NPFFR1: variants seen among roughly 807,000 people sequenced by gnomAD.
NPFFR1 encodes G-protein coupled receptor 147.
A neutral mutation model predicts 12.7 loss-of-function variants in NPFFR1; 17 were observed. The observed-to-expected ratio is 1.34, with a 90% CI of 0.92 to 2.01. NPFFR1 has a LOEUF of 2.01. Among genes scored for constraint, NPFFR1 ranks in the 30% most tolerant of loss-of-function variants. The probability of loss-of-function intolerance (pLI) is 0.00; values close to 1 mark genes in which losing one functional copy is unlikely to be tolerated. For missense variants in NPFFR1, 604 were observed against 606.5 expected, an observed-to-expected ratio of 1.00 and a Z score of 0.04; for synonymous variants, 296 against 264.5, an observed-to-expected ratio of 1.12 and a Z score of -1.16.
At chr10:70,261,592 G>A (rs2136795684) in intron 2 of NPFFR1, among the ~76,000 whole-genome samples, 1 of 152,258 alleles carries the variant, frequency 6.6e-6, no homozygotes, top group Middle Eastern at 3.4e-3. Context: ...ATGAGCTTTA[G>A]ACCGTCCAGC....
intron 3 of NPFFR1, among the ~76,000 whole-genome samples, chr10:70,257,959 G>T (rs569249543): frequency 6.6e-6 from 1 of 152,134 alleles, no homozygotes; most frequent in African/African-American, 2.4e-5. Flanking sequence ...TTGCTCACAG[G>T]TTTGTTACTG....
At chr10:70,257,483 T>C (rs927862332) in intron 3 of NPFFR1, among the ~76,000 whole-genome samples, 1 of 152,270 alleles carries the variant, frequency 6.6e-6, no homozygotes, top group Non-Finnish European at 1.5e-5. Context: ...CGCCATTCTC[T>C]AGTGTCAATA....
intron 3 of NPFFR1, among the ~76,000 whole-genome samples, chr10:70,257,507 A>T (rs1840584384): frequency 6.6e-6 from 1 of 152,362 alleles, no homozygotes; most frequent in South Asian, 2.1e-4. Context: ...TAGGGGCACA[A>T]TGCACTGCGG....
rs765974885 is a variant in NPFFR1 at position 70,260,713 on chromosome 10, T to C, written c.349A>G (p.Lys117Glu). The part of the protein sequence containing the change: ...TGWPFDNATC[K>E]MSGLVQGMSV... ...ATGCCCTGCACCAAGCCGCTCATCT[T>C]GCATGTGGCATTGTCGAAGGGCCAC... Residue 117 changes from lysine (K) to glutamate (E), a missense_variant, in exon 3 of 4, where the codon AAG (lysine) becomes GAG (glutamate). Lys to Glu is a moderately conservative substitution (Grantham distance 56). Coordinates refer to ENST00000277942, the MANE Select transcript of NPFFR1 (RefSeq NM_022146.5). 8.1e-6 allele frequency: 13 copies of C among 1,607,894 alleles called. No individual in the cohort carries two copies. Among genetic ancestry groups the C allele is most frequent in the Middle Eastern group, 1.7e-4 (1 of 6,058 alleles).
chr10:70,255,901 C>A lies in NPFFR1; in HGVS notation c.423-74G>T, dbSNP rs562228956. The A allele has an allele frequency of 2.0e-6, 3 of 1,466,978 alleles. No individual in the cohort carries two copies. The highest frequency in any genetic ancestry group is 1.4e-5 in the African/African-American group (1 of 71,608). The allele number at this position is 1,466,978 out of a possible 1,614,324, so 90.9% of individuals were successfully genotyped here. On this transcript the variant is annotated intron_variant, in intron 3 of 3. Coordinates refer to ENST00000277942, the MANE Select transcript of NPFFR1 (RefSeq NM_022146.5). The surrounding 1 kb of genome is among the most constrained non-coding windows in gnomAD (Gnocchi z 4.2). ...CTGCGAGGGGACGGTGGGTGGGATGCGGGCACCTGACCTTCATCATCGCAT... is the reference window on the plus strand; with the variant it reads ...CTGCGAGGGGACGGTGGGTGGGATGAGGGCACCTGACCTTCATCATCGCAT...
intron 1 of NPFFR1, among the ~76,000 whole-genome samples, chr10:70,278,765 G>A (rs1170350176): frequency 6.6e-6 from 1 of 152,142 alleles, no homozygotes; most frequent in Non-Finnish European, 1.5e-5. Context: ...GAGGAAATCT[G>A]TAGGTTTAGC....
intron 1 of NPFFR1, among the ~76,000 whole-genome samples, chr10:70,273,166 A>G (rs1436398278): frequency 6.6e-6 from 1 of 152,140 alleles, no homozygotes; most frequent in East Asian, 1.9e-4. Flanking sequence ...GCCCCTTCCA[A>G]CTGGATCAGA....
intron 1 of NPFFR1, among the ~76,000 whole-genome samples, chr10:70,273,210 G>C (rs1289232179): frequency 6.6e-6 from 1 of 152,142 alleles, no homozygotes; most frequent in East Asian, 1.9e-4. Flanking sequence ...GATGGATGAT[G>C]GGCAGGGGAT....
chr10:70,271,096 G>C (rs1042442003), intron 1 of NPFFR1, among the ~76,000 whole-genome samples: 2 of 152,188 alleles, frequency 1.3e-5, no homozygotes, highest in African/African-American at 4.8e-5. Context: ...ACTGTGGTTT[G>C]AGAACCACAG....
At chr10:70,258,620 C>T (rs1460762112) in intron 3 of NPFFR1, among the ~76,000 whole-genome samples, 2 of 152,232 alleles carry the variant, frequency 1.3e-5, no homozygotes, top group Non-Finnish European at 2.9e-5. Context: ...ACTGACCACA[C>T]TTCTTGAGAC....
At chr10:70,270,992 C>T (rs971814187) in intron 1 of NPFFR1, among the ~76,000 whole-genome samples, 4 of 152,222 alleles carry the variant, frequency 2.6e-5, no homozygotes, top group Admixed American at 1.3e-4. Context: ...TCTTGGGCCA[C>T]AACCCTGGCC....
At chr10:70,265,282 C>T (rs750196514) in intron 2 of NPFFR1, among the ~76,000 whole-genome samples, 3 of 152,216 alleles carry the variant, frequency 2.0e-5, no homozygotes, top group African/African-American at 7.2e-5. Context: ...TCAGAATCTG[C>T]AGGCTCAGAC....
Position 70,271,635 on chromosome 10 carries a change from G to C in NPFFR1, c.8-5244C>G, listed in dbSNP as rs554412705. 4.6e-5 allele frequency among the ~76,000 whole-genome samples: 7 copies of C among 152,270 alleles called. No individual in the cohort carries two copies. In the South Asian group the frequency reaches 1.2e-3, roughly 27 times the overall value. On this transcript the variant is annotated intron_variant, in intron 1 of 3. Coordinates refer to ENST00000277942, the MANE Select transcript of NPFFR1 (RefSeq NM_022146.5). ...AGCCAGACTCCTTATTGGTAAAATG[G>C]AGATAAATGAACACCTGCCAAAGAA...
chr10:70,255,459 C>A lies in NPFFR1; in HGVS notation c.791G>T (p.Arg264Leu), dbSNP rs1840555667. ...CAGCATGTGCACCACGCGCGCTCTGCGCCGCGATGCTCGCGGGTCCGCAGC... is the reference window on the plus strand; with the variant it reads ...CAGCATGTGCACCACGCGCGCTCTGAGCCGCGATGCTCGCGGGTCCGCAGC... Reference protein sequence around the residue: ...EEAADPRASRRRARVVHMLVM... With the variant: ...EEAADPRASRLRARVVHMLVM... The change falls in exon 4 of 4, where the codon CGC becomes CTC. Residue 264 changes from arginine to leucine, a missense_variant. Physicochemically the swap from Arg to Leu is moderately radical, Grantham distance 102 (BLOSUM62 -2). Coordinates refer to ENST00000277942, the MANE Select transcript of NPFFR1 (RefSeq NM_022146.5). This position sits in a 1 kb window ranked among gnomAD's most constrained non-coding sequence, Gnocchi z 4.2. The A allele has an allele frequency of 6.5e-7, 1 of 1,548,160 alleles. No homozygotes were observed. The highest frequency in any genetic ancestry group is 1.2e-5 in the South Asian group (1 of 84,014).
Position 70,254,983 on chromosome 10 carries a change from G to T in NPFFR1, c.1267C>A (p.Leu423Ile), listed in dbSNP as rs775724849. 6.9e-7 allele frequency: 1 copy of T among 1,439,966 alleles called. No individual in the cohort carries two copies. Among genetic ancestry groups the T allele is most frequent in the East Asian group, 2.7e-5 (1 of 37,670 alleles). The allele number at this position is 1,439,966 out of a possible 1,614,324, so 89.2% of individuals were successfully genotyped here. A position where few individuals can be genotyped will look rare whatever the true frequency, so the allele number is the denominator to read the frequency against. ...CAGATATCCCAGGCTGGAATGGTGA[G>T]GGGCAGGTGGGAGCAGCCAGGCCCT... ...REGPGCSHLPLTIPAWDI is the reference protein window; with the variant it reads ...REGPGCSHLPITIPAWDI Residue 423 changes from leucine to isoleucine, a missense_variant, in exon 4 of 4, where the codon CTC (leucine) becomes ATC (isoleucine). Transcript: ENST00000277942.
chr10:70,282,699 T>C (rs1437795876), intron 1 of NPFFR1, among the ~76,000 whole-genome samples: 1 of 152,122 alleles, frequency 6.6e-6, no homozygotes, highest in Non-Finnish European at 1.5e-5. Context: ...AGTTCCCCCA[T>C]TCGATAGATG....
intron 2 of NPFFR1, among the ~76,000 whole-genome samples, chr10:70,265,621 C>G (rs1210616577): frequency 6.6e-6 from 1 of 152,230 alleles, no homozygotes; most frequent in Non-Finnish European, 1.5e-5. Context: ...CCACTTCTCC[C>G]CACTGGCTCT....
chr10:70,275,921 G>C (rs890555443), intron 1 of NPFFR1, among the ~76,000 whole-genome samples: 1 of 152,192 alleles, frequency 6.6e-6, no homozygotes, highest in Non-Finnish European at 1.5e-5. Flanking sequence ...ACAGCATGCA[G>C]TAGTGGTAGA....
At position 70,249,357 on chromosome 10, in the gene NPFFR1, T is replaced by C; in HGVS notation, c.*5600A>G. 1 of 150,376 alleles carries C rather than the reference T, an allele frequency of 6.6e-6. No homozygotes were observed. The highest frequency in any genetic ancestry group is 1.5e-5 in the Non-Finnish European group (1 of 67,750). 9.3% of individuals were successfully genotyped at this position (150,376 alleles called of 1,614,324 possible). ...AAGGTTGCAGTGAGCCAAAATCACG[T>C]CATTGCACTCCAGCCTGGGCAACAA... On this transcript the variant is annotated 3_prime_UTR_variant, in exon 4 of 4. Transcript: ENST00000277942.
Sources: gnomAD v4.1 joint callset for allele counts (sites outside exome capture counted in the v4.1 genomes callset) on GRCh38, gnomAD v4.1.1 for gene constraint, Gnocchi (gnomAD v3.1) non-coding constraint, MANE v1.5 for transcripts, NCBI Gene and HGNC (gene_info 2026-07-23, HGNC 2026-07-21) for gene names.